Variants in EIF4G3 observed in about 807,000 individuals in gnomAD.
EIF4G3 encodes eukaryotic translation initiation factor 4 gamma 3.
A neutral mutation model predicts 186.4 loss-of-function variants in EIF4G3; 34 were observed. The ratio of observed to expected loss-of-function variants is 0.18; its 90% CI spans 0.14 to 0.24. The LOEUF (loss-of-function observed/expected upper bound fraction) is 0.24. EIF4G3 is among the 10% of genes least tolerant of loss of function. The pLI, the probability that EIF4G3 is intolerant of heterozygous loss-of-function variation, is 1.00. For missense variants in EIF4G3, 1,536 were observed against 1,948.5 expected (o/e 0.79, Z 3.99); for synonymous variants, 673 against 679.5 (o/e 0.99, Z 0.15).
chr1:21,096,077 C>T (rs1046486710), intron 2 of EIF4G3, among the ~76,000 whole-genome samples: 17 of 152,130 alleles, frequency 1.1e-4, no homozygotes, highest in Non-Finnish European at 2.4e-4. Context: ...AGGCAGAAGG[C>T]AACAAAGTAA....
chr1:20,921,419 G>A (rs2094488140), intron 14 of EIF4G3, among the ~76,000 whole-genome samples: 2 of 152,182 alleles, frequency 1.3e-5, no homozygotes, highest in South Asian at 4.1e-4. Flanking sequence ...CGGTGTATCA[G>A]CTTAACCAAC....
chr1:20,843,809 C>T (rs1429821827), intron 29 of EIF4G3, among the ~76,000 whole-genome samples: 1 of 152,158 alleles, frequency 6.6e-6, no homozygotes, highest in Non-Finnish European at 1.5e-5. Context: ...CTCCTTCCAC[C>T]TTCTGTCCTC....
chr1:20,869,232 T>C (rs1388226834), intron 20 of EIF4G3, among the ~76,000 whole-genome samples: 2 of 151,846 alleles, frequency 1.3e-5, no homozygotes, highest in African/African-American at 4.8e-5. Flanking sequence ...TTGTAATGAA[T>C]AGGATAATGT....
At chr1:21,137,148 C>CT (rs35273908) in intron 2 of EIF4G3, among the ~76,000 whole-genome samples, 80,115 of 142,526 alleles carry the variant, frequency 0.56, 22,646 homozygotes, top group East Asian at 0.77. Context: ...TTTGTTTTTC[C>CT]TTTTTTTTTT....
At chr1:20,975,081 A>G (rs1362788691) in intron 10 of EIF4G3, among the ~76,000 whole-genome samples, 3 of 152,144 alleles carry the variant, frequency 2.0e-5, no homozygotes, top group Non-Finnish European at 4.4e-5. Flanking sequence ...GGTTTGCTGA[A>G]TCAGATTTGG....
chr1:20,851,619 T>C, intron 27 of EIF4G3, 141 bp from the exon 28 acceptor site: 3 of 705,274 alleles, frequency 4.3e-6, no homozygotes, highest in East Asian at 5.4e-5. Flanking sequence ...GCACCAATTA[T>C]ATTTCAAAGT....
intron 4 of EIF4G3, among the ~76,000 whole-genome samples, chr1:21,020,495 T>C (rs1378379384): frequency 6.9e-6 from 1 of 145,874 alleles, no homozygotes; most frequent in African/African-American, 2.4e-5. Flanking sequence ...GTCTCAAAAA[T>C]AAATAAATAA....
intron 5 of EIF4G3, 63 bp from the exon 6 acceptor site, chr1:21,001,375 T>C: frequency 2.2e-6 from 1 of 454,728 alleles, no homozygotes; most frequent in Non-Finnish European, 4.6e-6. Flanking sequence ...GTTCTAACCA[T>C]GTAAATTTAA....
chr1:20,945,152 A>C (rs2154562800), intron 13 of EIF4G3, among the ~76,000 whole-genome samples: 1 of 152,176 alleles, frequency 6.6e-6, no homozygotes, highest in African/African-American at 2.4e-5. Context: ...AAAAAAAAAA[A>C]CACTTATTTT....
intron 4 of EIF4G3, among the ~76,000 whole-genome samples, chr1:21,014,156 G>A (rs1427900225): frequency 1.3e-5 from 2 of 152,210 alleles, no homozygotes; most frequent in South Asian, 2.1e-4. Flanking sequence ...GTGACAAAGC[G>A]AGACTCCATC....
rs577816131 is a variant in EIF4G3, at chr1:21,015,632, G to T, written c.-66-12824C>A. On this transcript the variant is annotated intron_variant, in intron 4 of 36. Transcript: ENST00000602326. ...TTTTAAGGTAAAAAACAATGGAAAAGAATTTCGAGAGCAGCAAGATCAAAC... is the reference window on the plus strand; with the variant it reads ...TTTTAAGGTAAAAAACAATGGAAAATAATTTCGAGAGCAGCAAGATCAAAC... Among the ~76,000 whole-genome samples, 4 of 151,458 alleles carry T rather than the reference G, an allele frequency of 2.6e-5. No homozygotes were observed. In the East Asian group the frequency reaches 7.8e-4, roughly 30 times the overall value.
chr1:20,900,670 C>T (rs919290056), intron 15 of EIF4G3, among the ~76,000 whole-genome samples: 5 of 152,088 alleles, frequency 3.3e-5, no homozygotes, highest in Non-Finnish European at 5.9e-5. Context: ...TCTGTAAAGG[C>T]CTCATGAATC....
rs753517743 is a variant in EIF4G3 at position 20,857,536 on chromosome 1, A to C, written c.3245-39T>G. The C allele has an allele frequency of 3.9e-6, 6 of 1,536,140 alleles. No individual in the cohort carries two copies. The Admixed American group carries it at 8.4e-5, about 22-fold the overall frequency. ...AGAGTGGGAGTCTCTCATCTGTCTC[A>C]AGTCAGTTTTACATTGAAAGAGTGA... On this transcript the variant is annotated intron_variant, in intron 24 of 36. Transcript: ENST00000602326.
chr1:21,013,092 A>G (rs1320758638), intron 4 of EIF4G3, among the ~76,000 whole-genome samples: 4 of 152,070 alleles, frequency 2.6e-5, no homozygotes, highest in Non-Finnish European at 4.4e-5. Context: ...CAGGGAAGCT[A>G]TCCCTGACTA....
intron 2 of EIF4G3, chr1:21,169,665 T>G (rs1011264584): frequency 6.6e-6 from 1 of 152,138 alleles, no homozygotes; most frequent in African/African-American, 2.4e-5. Context: ...AATATGTACT[T>G]CAAATACAAC....
At chr1:20,981,460 C>G (rs2077956100) in intron 8 of EIF4G3, among the ~76,000 whole-genome samples, 1 of 151,774 alleles carries the variant, frequency 6.6e-6, no homozygotes, top group Non-Finnish European at 1.5e-5. Context: ...TTCGACCCGA[C>G]TGTATATATA....
chr1:20,851,869 T>A (rs2073375786), intron 27 of EIF4G3, among the ~76,000 whole-genome samples: 1 of 151,842 alleles, frequency 6.6e-6, no homozygotes, highest in Non-Finnish European at 1.5e-5. Context: ...AATACAAAAA[T>A]TAGCCGGGTT....
At chr1:20,859,660 C>T (rs576585304) in intron 24 of EIF4G3, among the ~76,000 whole-genome samples, 23 of 152,304 alleles carry the variant, frequency 1.5e-4, no homozygotes, top group African/African-American at 5.5e-4. Context: ...AGTGCAGTGG[C>T]GCGATCGCGG....
intron 4 of EIF4G3, among the ~76,000 whole-genome samples, chr1:21,027,637 A>T (rs149015161): frequency 1.3e-5 from 2 of 152,206 alleles, no homozygotes; most frequent in Non-Finnish European, 2.9e-5. Flanking sequence ...CTCAAAAAAA[A>T]GGAAAAGTGT....
Sources: gnomAD v4.1 joint callset for allele counts (sites outside exome capture counted in the v4.1 genomes callset) on GRCh38, gnomAD v4.1.1 for gene constraint, MANE v1.5 for transcripts, NCBI Gene and HGNC (gene_info 2026-07-23, HGNC 2026-07-21) for gene names.